SPIN1: variants seen among roughly 807,000 people sequenced by gnomAD.
The protein encoded by SPIN1 is spindlin 1, also known as spindlin-1.
In SPIN1, 3 loss-of-function variants were observed where a neutral mutation model predicts 26.0. That is an observed-to-expected ratio of 0.12 (90% CI 0.05 to 0.30). The LOEUF is 0.30. SPIN1 is among the 10% of genes least tolerant of loss of function. The pLI is 1.00. For missense variants in SPIN1, 126 were observed against 333.4 expected, an observed-to-expected ratio of 0.38 and a Z score of 4.84; for synonymous variants, 101 against 116.5, an observed-to-expected ratio of 0.87 and a Z score of 0.86.
rs1828890542 is a variant in SPIN1 at position 88,476,432 on chromosome 9, C to T, written c.*1155C>T. 1 of 152,342 alleles carries T rather than the reference C, an allele frequency of 6.6e-6. No homozygotes were observed. Among genetic ancestry groups the T allele is most frequent in the Admixed American group, 6.5e-5 (1 of 15,278 alleles). 9.4% of individuals were successfully genotyped at this position (152,342 alleles called of 1,614,324 possible). A position where few individuals can be genotyped will look rare whatever the true frequency, so the allele number is the denominator to read the frequency against. On this transcript the variant is annotated 3_prime_UTR_variant, in exon 6 of 6. Transcript: ENST00000375859. Reference sequence around the variant, plus strand: ...CCCACCCCTTCCTGCCTACCCCTGGCTTTTCCTCACAAAGAATGTCTAGAC... The same window carrying T: ...CCCACCCCTTCCTGCCTACCCCTGGTTTTTCCTCACAAAGAATGTCTAGAC...
intron 2 of SPIN1, among the ~76,000 whole-genome samples, chr9:88,446,928 G>A (rs1401738749): frequency 1.3e-5 from 2 of 152,094 alleles, no homozygotes; most frequent in Non-Finnish European, 2.9e-5. Flanking sequence ...TCTTACTTTG[G>A]CTTTGTTGAG....
At chr9:88,426,210 T>C (rs1426119105) in intron 1 of SPIN1, among the ~76,000 whole-genome samples, 172 bp from the exon 2 acceptor site, 1 of 152,184 alleles carries the variant, frequency 6.6e-6, no homozygotes, top group African/African-American at 2.4e-5. Flanking sequence ...CTTTTTCTCC[T>C]TTCTACTTTG....
intron 2 of SPIN1, among the ~76,000 whole-genome samples, chr9:88,438,463 A>G (rs2118081057): frequency 6.6e-6 from 1 of 152,328 alleles, no homozygotes; most frequent in African/African-American, 2.4e-5. Flanking sequence ...TTTACAGTTC[A>G]TAATGTCGTC....
chr9:88,448,854 A>G, intron 2 of SPIN1, 87 bp from the exon 3 acceptor site: 2 of 1,220,472 alleles, frequency 1.6e-6, no homozygotes, highest in South Asian at 2.5e-5. Context: ...TATTCTGTAT[A>G]GCAGTTTTTC....
chr9:88,437,357 G>A (rs1305957300), intron 2 of SPIN1, among the ~76,000 whole-genome samples: 1 of 152,000 alleles, frequency 6.6e-6, no homozygotes, highest in Non-Finnish European at 1.5e-5. Context: ...AAGTAGTGGA[G>A]CGTGGTGGCT....
At chr9:88,470,601 C>CTT (rs59676605) in intron 5 of SPIN1, among the ~76,000 whole-genome samples, 3 of 143,210 alleles carry the variant, frequency 2.1e-5, no homozygotes, top group Non-Finnish European at 4.5e-5. Flanking sequence ...GGCCCCCCCC[C>CTT]TTTTTTTTTT....
At chr9:88,470,183 G>C (rs1182491637) in intron 5 of SPIN1, among the ~76,000 whole-genome samples, 1 of 152,164 alleles carries the variant, frequency 6.6e-6, no homozygotes, top group Non-Finnish European at 1.5e-5. Flanking sequence ...TCCATTGTAT[G>C]GATATACTAC....
At position 88,454,832 on chromosome 9, in the gene SPIN1, C is replaced by T. The variant is rs146472295; in HGVS notation, c.101+5843C>T. On this transcript the variant is annotated intron_variant, in intron 3 of 5. Coordinates refer to ENST00000375859, the MANE Select transcript of SPIN1 (RefSeq NM_006717.3). ...CTTGTGAACTTTGGCTGCTGAGCAGCTTGTGCATTCAAGCCCCACAACTGG... is the reference window on the plus strand; with the variant it reads ...CTTGTGAACTTTGGCTGCTGAGCAGTTTGTGCATTCAAGCCCCACAACTGG... Among the ~76,000 whole-genome samples, 899 of 152,324 alleles carry T rather than the reference C, an allele frequency of 5.9e-3. 8 individuals carry two copies. Among genetic ancestry groups the T allele is most frequent in the African/African-American group, 0.02 (845 of 41,568 alleles).
intron 4 of SPIN1, among the ~76,000 whole-genome samples, chr9:88,463,040 A>C (rs1400204777): frequency 1.3e-5 from 2 of 152,194 alleles, no homozygotes; most frequent in African/African-American, 2.4e-5. Context: ...TCTGATGGGT[A>C]AGGTTATCAG....
intron 3 of SPIN1, among the ~76,000 whole-genome samples, chr9:88,449,740 T>C (rs555479856): frequency 6.6e-6 from 1 of 152,336 alleles, no homozygotes; most frequent in South Asian, 2.1e-4. Context: ...GAAATGTCAC[T>C]TGAACAATCT....
chr9:88,405,615 C>A (rs1468233334), intron 1 of SPIN1, among the ~76,000 whole-genome samples: 1 of 146,964 alleles, frequency 6.8e-6, no homozygotes, highest in Non-Finnish European at 1.5e-5. Context: ...GCGACCTCAT[C>A]TCACTGCAGC....
intron 2 of SPIN1, 115 bp downstream of exon 2, chr9:88,426,706 A>G: frequency 1.2e-6 from 1 of 849,684 alleles, no homozygotes; most frequent in South Asian, 1.7e-5. Flanking sequence ...TGTCATTTCT[A>G]GTATGTTATA....
At chr9:88,430,685 G>A (rs530437222) in intron 2 of SPIN1, among the ~76,000 whole-genome samples, 49 of 152,236 alleles carry the variant, frequency 3.2e-4, no homozygotes, top group African/African-American at 1.1e-3. Context: ...TTTCTGTTTT[G>A]AAAATAACTT....
In SPIN1 at chr9:88,475,399, C is replaced by A; in HGVS notation, c.*122C>A. 2.0e-6 allele frequency: 2 copies of A among 988,400 alleles called. No individual in the cohort carries two copies. Among genetic ancestry groups the A allele is most frequent in the Non-Finnish European group, 3.0e-6 (2 of 670,070 alleles). The allele number at this position is 988,400 out of a possible 1,614,324, so 61.2% of individuals were successfully genotyped here. On this transcript the variant is annotated 3_prime_UTR_variant, in exon 6 of 6. Coordinates refer to ENST00000375859, the MANE Select transcript of SPIN1 (RefSeq NM_006717.3). ...TGTCCCTGCGAACCCACAATCTCTG[C>A]CAGCAGAACTGGTTTTGTTCTGAAT...
At chr9:88,394,121 T>G (rs1033868617) in intron 1 of SPIN1, among the ~76,000 whole-genome samples, 4 of 152,208 alleles carry the variant, frequency 2.6e-5, no homozygotes, top group Admixed American at 6.5e-5. Context: ...AGTGCTGGGA[T>G]TACAGGTGTG....
rs1444235094 is a variant in SPIN1, at chr9:88,475,894, T to TGTGGCCCTGTGGGCCCTGA, written c.*617_*618insGTGGCCCTGTGGGCCCTGA. ...AAGTAAACTTTGGGCACAGGAACCA[T>TGTGGCCCTGTGGGCCCTGA]ATGGGAACATTCAGCTTGTTTAAAA... On this transcript the variant is annotated 3_prime_UTR_variant, in exon 6 of 6. Transcript: ENST00000375859. 2 of 151,724 alleles carry TGTGGCCCTGTGGGCCCTGA rather than the reference T, an allele frequency of 1.3e-5. No individual in the cohort carries two copies. The highest frequency in any genetic ancestry group is 2.9e-5 in the Non-Finnish European group (2 of 68,004). The allele number at this position is 151,724 out of a possible 1,614,324, so 9.4% of individuals were successfully genotyped here. A position where few individuals can be genotyped will look rare whatever the true frequency, so the allele number is the denominator to read the frequency against.
intron 2 of SPIN1, among the ~76,000 whole-genome samples, chr9:88,444,885 G>T (rs1018377103): frequency 3.3e-5 from 5 of 151,454 alleles, no homozygotes; most frequent in African/African-American, 1.2e-4. Flanking sequence ...TAGAGACGGG[G>T]TTTCACTGTG....
intron 1 of SPIN1, chr9:88,411,055 G>A (rs897629961): frequency 1.1e-5 from 17 of 1,584,452 alleles, no homozygotes; most frequent in Non-Finnish European, 1.4e-5. Context: ...GGTCAGTCAT[G>A]ATTTCAATCA....
chr9:88,470,156 T>C (rs1245875004), intron 5 of SPIN1, among the ~76,000 whole-genome samples: 1 of 152,244 alleles, frequency 6.6e-6, no homozygotes, highest in African/African-American at 2.4e-5. Context: ...TCATTCCTTT[T>C]AATGGCCAAA....
Sources: gnomAD v4.1 joint callset for allele counts (sites outside exome capture counted in the v4.1 genomes callset) on GRCh38, gnomAD v4.1.1 for gene constraint, MANE v1.5 for transcripts, NCBI Gene and HGNC (gene_info 2026-07-23, HGNC 2026-07-21) for gene names.